Variants in ZNF521 observed in about 807,000 individuals in gnomAD.
ZNF521 encodes LYST-interacting protein 3.
Under a neutral mutation model 105.5 loss-of-function variants are expected in ZNF521, and 14 were observed. That is an observed-to-expected ratio of 0.13 (90% CI 0.09 to 0.21). The LOEUF is 0.21. Among genes scored for constraint, ZNF521 ranks in the 10% least tolerant of loss-of-function variants. ZNF521 has a pLI of 1.00. For synonymous variants in ZNF521, 635 were observed against 606.0 expected, an observed-to-expected ratio of 1.05 and a Z score of -0.70; for missense variants, 1,233 against 1,629.7, an observed-to-expected ratio of 0.76 and a Z score of 4.19.
At chr18:25,329,021 T>G (rs1416686054) in intron 2 of ZNF521, among the ~76,000 whole-genome samples, 1 of 152,232 alleles carries the variant, frequency 6.6e-6, no homozygotes, top group African/African-American at 2.4e-5. Flanking sequence ...TGAATTTCTA[T>G]GGCTGCCTTG....
chr18:25,126,592 C>G (rs925941017), intron 5 of ZNF521, among the ~76,000 whole-genome samples: 4 of 151,978 alleles, frequency 2.6e-5, no homozygotes, highest in African/African-American at 9.7e-5. Context: ...CGTTTACCTC[C>G]TGGGGACTAT....
chr18:25,134,392 T>C lies in ZNF521; in HGVS notation c.3659-42311A>G, dbSNP rs565923098. Among the ~76,000 whole-genome samples the C allele has an allele frequency of 1.5e-4, 23 of 152,312 alleles. 1 individual carries two copies. The highest frequency in any genetic ancestry group is 5.1e-4 in the African/African-American group (21 of 41,578). The stretch of plus-strand genomic sequence containing the variant: ...ACTGCTCAGTTAGATCGATGGCCTA[T>C]AATTACCTGGGAATTACTTGGACAC... On this transcript the variant is annotated intron_variant, in intron 5 of 7. Transcript: ENST00000361524.
chr18:25,062,734 G>A lies in ZNF521; in HGVS notation c.3914C>T (p.Thr1305Ile). ...FFFQTELQNH[T>I]MTQHSS is the part of the protein sequence containing the mutation. Reference sequence around the variant, plus strand: ...GCACTAACTGCTGTGTTGGGTCATTGTATGATTCTGTAAATAACAAAAAAA... The same window carrying A: ...GCACTAACTGCTGTGTTGGGTCATTATATGATTCTGTAAATAACAAAAAAA... The change falls in exon 8 of 8, where the codon ACA becomes ATA. Residue 1305 changes from threonine (T) to isoleucine (I), a missense_variant. This residue lies in a region of ZNF521 where 76 missense variants were observed against 137.2 expected (regional missense o/e 0.55). Transcript: ENST00000361524. 3 of 490,230 alleles carry A rather than the reference G, an allele frequency of 6.1e-6. No homozygotes were observed. Among genetic ancestry groups the A allele is most frequent in the Non-Finnish European group, 1.1e-5 (3 of 272,792 alleles). 30.4% of individuals were successfully genotyped at this position (490,230 alleles called of 1,614,324 possible).
At chr18:25,257,288 CA>C (rs1908586730) in intron 3 of ZNF521, among the ~76,000 whole-genome samples, 1 of 151,972 alleles carries the variant, frequency 6.6e-6, no homozygotes, top group Admixed American at 6.6e-5. Flanking sequence ...TCTATTTTTT[CA>C]ATTTACTTGT....
intron 4 of ZNF521, among the ~76,000 whole-genome samples, chr18:25,206,171 T>A (rs1390074687): frequency 1.3e-5 from 2 of 150,852 alleles, no homozygotes; most frequent in African/African-American, 4.9e-5. Flanking sequence ...GCCCAGCTAA[T>A]TTTTTTTTGT....
At chr18:25,215,447 T>C (rs2036263171) in intron 4 of ZNF521, among the ~76,000 whole-genome samples, 1 of 152,182 alleles carries the variant, frequency 6.6e-6, no homozygotes, top group African/African-American at 2.4e-5. Context: ...TCTTTCATCA[T>C]TTAAAATCAT....
intron 5 of ZNF521, among the ~76,000 whole-genome samples, chr18:25,126,197 G>A (rs1005205812): frequency 4.6e-5 from 7 of 151,994 alleles, no homozygotes; most frequent in Non-Finnish European, 1.0e-4. Flanking sequence ...GGTCTCACAA[G>A]CAATCTTTGG....
chr18:25,136,831 T>A (rs756880707), intron 5 of ZNF521: 2 of 152,202 alleles, frequency 1.3e-5, no homozygotes, highest in Admixed American at 1.3e-4. Flanking sequence ...GAATTTCAAA[T>A]TGAAAGTTCC....
chr18:25,121,543 A>G (rs2034444299), intron 5 of ZNF521, among the ~76,000 whole-genome samples: 1 of 151,772 alleles, frequency 6.6e-6, no homozygotes, highest in Non-Finnish European at 1.5e-5. Flanking sequence ...GAGCCACAGC[A>G]CCCAGCCAGA....
At chr18:25,152,995 T>C (rs567584016) in intron 5 of ZNF521, among the ~76,000 whole-genome samples, 1 of 152,320 alleles carries the variant, frequency 6.6e-6, no homozygotes, top group East Asian at 1.9e-4. Flanking sequence ...AATGTATAGA[T>C]ATTTGTCTTA....
At chr18:25,184,119 G>A (rs557914366) in intron 5 of ZNF521, among the ~76,000 whole-genome samples, 12 of 152,142 alleles carry the variant, frequency 7.9e-5, no homozygotes, top group African/African-American at 2.2e-4. Context: ...ATTACCCACT[G>A]AGACTCTTGC....
intron 3 of ZNF521, among the ~76,000 whole-genome samples, chr18:25,281,957 TC>T: frequency 6.6e-6 from 1 of 152,166 alleles, no homozygotes; most frequent in Non-Finnish European, 1.5e-5. Context: ...CCTCTCATAT[TC>T]TAGGCAAAGC....
chr18:25,212,538 A>AAAAAAAAATAT (rs1555647923), intron 4 of ZNF521, among the ~76,000 whole-genome samples: 1 of 48,144 alleles, frequency 2.1e-5, no homozygotes, highest in African/African-American at 1.3e-4. Context: ...AAAAAAAAAA[A>AAAAAAAAATAT]ATATATATAT....
chr18:25,208,577 CT>C (rs1214615890), intron 4 of ZNF521, among the ~76,000 whole-genome samples: 2 of 150,728 alleles, frequency 1.3e-5, no homozygotes, highest in East Asian at 4.0e-4. Context: ...TCTTTTTTTC[CT>C]TTTTTCTGTT....
chr18:25,116,962 T>TACAC lies in ZNF521; in HGVS notation c.3659-24882_3659-24881insGTGT, dbSNP rs1567968679. ...ATATATACACATATATATGTATATA[T>TACAC]GTATATATATGTATATATATATACA... On this transcript the variant is annotated intron_variant, in intron 5 of 7. Coordinates refer to ENST00000361524, the MANE Select transcript of ZNF521 (RefSeq NM_015461.3). Among the ~76,000 whole-genome samples, 489 of 104,774 alleles carry TACAC rather than the reference T, an allele frequency of 4.7e-3. 4 individuals carry two copies. The highest frequency in any genetic ancestry group is 0.019 in the African/African-American group (452 of 23,432). The allele number at this position is 104,774 out of a possible 152,430, so 68.7% of individuals were successfully genotyped here.
chr18:25,344,204 TAAA>T (rs200619989), intron 2 of ZNF521, among the ~76,000 whole-genome samples: 2 of 141,294 alleles, frequency 1.4e-5, no homozygotes, highest in African/African-American at 2.6e-5. Context: ...AGTTTTTTAT[TAAA>T]AAAAAAAAAA....
chr18:25,257,779 G>C (rs1908621141), intron 3 of ZNF521, among the ~76,000 whole-genome samples: 1 of 152,192 alleles, frequency 6.6e-6, no homozygotes, highest in Non-Finnish European at 1.5e-5. Context: ...CTGACTGGAA[G>C]AGATACAAAG....
chr18:25,296,044 A>G (rs1911304410), intron 3 of ZNF521, among the ~76,000 whole-genome samples: 1 of 152,226 alleles, frequency 6.6e-6, no homozygotes, highest in East Asian at 1.9e-4. Context: ...AAAGCACTGC[A>G]CAATCACAGA....
At chr18:25,096,961 T>A (rs1422242545) in intron 5 of ZNF521, among the ~76,000 whole-genome samples, 1 of 152,200 alleles carries the variant, frequency 6.6e-6, no homozygotes, top group Non-Finnish European at 1.5e-5. Context: ...TTCGAATGTG[T>A]GTTACCACTG....
Sources: gnomAD v4.1 joint callset for allele counts (sites outside exome capture counted in the v4.1 genomes callset) on GRCh38, gnomAD v4.1.1 for gene constraint, gnomAD v4.1.1 regional missense constraint, MANE v1.5 for transcripts, NCBI Gene and HGNC (gene_info 2026-07-23, HGNC 2026-07-21) for gene names.